PSD3: variants seen among roughly 807,000 people sequenced by gnomAD.
PSD3 encodes the protein PH and SEC7 domain-containing protein 3.
PSD3 carries 49 observed loss-of-function variants against 105.5 expected under a neutral mutation model. The observed-to-expected ratio is 0.46, with a 90% CI of 0.37 to 0.59. The LOEUF is 0.59. Among genes scored for constraint, PSD3 ranks in the 20% least tolerant of loss-of-function variants. The pLI is 0.00. For missense variants in PSD3, 1,561 were observed against 1,263.8 expected (o/e 1.24, Z -3.57); for synonymous variants, 557 against 457.8 (o/e 1.22, Z -2.77).
rs1477474174 is a variant in PSD3 at position 18,641,733 on chromosome 8, C to A, written c.2217-8927G>T. 3.3e-5 allele frequency among the ~76,000 whole-genome samples: 5 copies of A among 152,188 alleles called. No individual in the cohort carries two copies. In the South Asian group the frequency reaches 8.3e-4, roughly 25 times the overall value. On this transcript the variant is annotated intron_variant, in intron 10 of 15. Coordinates refer to ENST00000327040, the MANE Select transcript of PSD3 (RefSeq NM_015310.4). ...TAAAGGTGGTGGTTGAATGCAGGGG[C>A]AGAACACTAAGGTGGCTCACATCTC...
intron 9 of PSD3, among the ~76,000 whole-genome samples, chr8:18,696,546 T>C (rs912589803): frequency 3.3e-5 from 5 of 152,290 alleles, no homozygotes; most frequent in Admixed American, 2.6e-4. Flanking sequence ...GAGGAGCAAA[T>C]AAAAGTGCAT....
intron 8 of PSD3, among the ~76,000 whole-genome samples, chr8:18,773,267 G>C (rs527792252): frequency 2.6e-5 from 4 of 152,194 alleles, no homozygotes; most frequent in African/African-American, 9.6e-5. Flanking sequence ...TTTTTAAAAA[G>C]TCTGACATTT....
intron 1 of PSD3, among the ~76,000 whole-genome samples, chr8:18,965,699 G>C (rs1824195730): frequency 6.6e-6 from 1 of 152,238 alleles, no homozygotes; most frequent in Non-Finnish European, 1.5e-5. Flanking sequence ...AAGCTTGCAA[G>C]ATTCTGGAGA....
chr8:18,839,983 T>C (rs544529349), intron 4 of PSD3, among the ~76,000 whole-genome samples: 4 of 152,278 alleles, frequency 2.6e-5, no homozygotes, highest in South Asian at 4.2e-4. Flanking sequence ...CCACAAACTG[T>C]TGAATTCTAC....
intron 1 of PSD3, among the ~76,000 whole-genome samples, chr8:18,969,683 A>G (rs1824511700): frequency 6.6e-6 from 1 of 152,242 alleles, no homozygotes; most frequent in Non-Finnish European, 1.5e-5. Context: ...TTTCATAACT[A>G]TTAGCCTTGG....
intron 1 of PSD3, chr8:19,001,752 G>A (rs1397017381): frequency 6.5e-6 from 1 of 153,300 alleles, no homozygotes; most frequent in Non-Finnish European, 1.5e-5. Context: ...GCTCAGAGAA[G>A]GAAGGTATTC....
intron 2 of PSD3, among the ~76,000 whole-genome samples, chr8:18,903,410 GT>G (rs956253148): frequency 6.6e-6 from 1 of 152,066 alleles, no homozygotes; most frequent in African/African-American, 2.4e-5. Flanking sequence ...AAGAATAGCT[GT>G]TTTTTGCAGC....
At position 18,532,069 on chromosome 8, in the gene PSD3, G is replaced by C. The variant is rs1258959563; in HGVS notation, c.*3674C>G. On this transcript the variant is annotated 3_prime_UTR_variant, in exon 16 of 16. Coordinates refer to ENST00000327040, the MANE Select transcript of PSD3 (RefSeq NM_015310.4). ...AAAAGGTTTTGTTAGTAAGACAATGGAGAAACTTCTTTAACGTCAATTTTC... is the reference window on the plus strand; with the variant it reads ...AAAAGGTTTTGTTAGTAAGACAATGCAGAAACTTCTTTAACGTCAATTTTC... 1 of 152,180 alleles carries C rather than the reference G, an allele frequency of 6.6e-6. No homozygotes were observed. The highest frequency in any genetic ancestry group is 2.4e-5 in the African/African-American group (1 of 41,432). 9.4% of individuals were successfully genotyped at this position (152,180 alleles called of 1,614,324 possible).
At chr8:18,835,619 C>CCTCA (rs1814042067) in intron 4 of PSD3, among the ~76,000 whole-genome samples, 1 of 152,108 alleles carries the variant, frequency 6.6e-6, no homozygotes, top group Non-Finnish European at 1.5e-5. Flanking sequence ...GAATATGAAA[C>CCTCA]CGTGAGAGGA....
At chr8:18,536,044 G>T in intron 15 of PSD3, 86 bp from the exon 16 acceptor site, 1 of 1,273,284 alleles carries the variant, frequency 7.9e-7, no homozygotes, top group Non-Finnish European at 1.1e-6. Flanking sequence ...CCCACCTGGA[G>T]AGTGTGAATG....
At chr8:18,985,722 A>G (rs1471205680) in intron 1 of PSD3, among the ~76,000 whole-genome samples, 1 of 152,204 alleles carries the variant, frequency 6.6e-6, no homozygotes, top group Non-Finnish European at 1.5e-5. Flanking sequence ...AATGAAGTCA[A>G]TGGCACTTAT....
intron 9 of PSD3, among the ~76,000 whole-genome samples, chr8:18,744,373 C>T (rs1447516390): frequency 6.6e-6 from 1 of 152,166 alleles, no homozygotes; most frequent in Non-Finnish European, 1.5e-5. Context: ...AGAAGCTATA[C>T]TCTTAACCCC....
chr8:18,719,828 C>T (rs964320088), intron 9 of PSD3, among the ~76,000 whole-genome samples: 5 of 152,096 alleles, frequency 3.3e-5, no homozygotes, highest in African/African-American at 1.2e-4. Context: ...TAGCATATAT[C>T]TAGATAGCAA....
chr8:18,786,155 G>A (rs1431022711), intron 8 of PSD3, among the ~76,000 whole-genome samples: 1 of 152,144 alleles, frequency 6.6e-6, no homozygotes, highest in Non-Finnish European at 1.5e-5. Flanking sequence ...AGTGAGTCGA[G>A]ATTGCGCCAC....
chr8:18,717,702 C>A (rs912223680), intron 9 of PSD3, among the ~76,000 whole-genome samples: 1 of 152,202 alleles, frequency 6.6e-6, no homozygotes, highest in Admixed American at 6.5e-5. Flanking sequence ...GAGTCAACTC[C>A]TGACTTTTTG....
intron 14 of PSD3, among the ~76,000 whole-genome samples, chr8:18,566,233 G>A (rs1801738535): frequency 6.6e-6 from 1 of 152,098 alleles, no homozygotes; most frequent in South Asian, 2.1e-4. Context: ...GCTTTGGATA[G>A]AAAAATCCTT....
chr8:18,993,281 T>C (rs769480224), intron 1 of PSD3, among the ~76,000 whole-genome samples: 1 of 152,174 alleles, frequency 6.6e-6, no homozygotes. Flanking sequence ...AGGTTAAAGA[T>C]CACAGTTCTA....
At chr8:18,790,535 C>G (rs1441079065) in intron 8 of PSD3, among the ~76,000 whole-genome samples, 6 of 152,036 alleles carry the variant, frequency 3.9e-5, no homozygotes, top group African/African-American at 1.4e-4. Context: ...ATCTCCTGAC[C>G]TCGTGATCTG....
upstream of PSD3, chr8:19,014,393 C>G (rs1190122924): frequency 1.3e-5 from 2 of 152,312 alleles, no homozygotes; most frequent in African/African-American, 4.8e-5. The surrounding 1 kb of genome is among the most constrained non-coding windows in gnomAD (Gnocchi z 4.9). Context: ...ACCGACAGTG[C>G]GTGCGCGGGG....
Sources: allele counts gnomAD v4.1 joint callset (sites outside exome capture counted in the v4.1 genomes callset), GRCh38; gene constraint gnomAD v4.1.1; non-coding constraint Gnocchi (gnomAD v3.1); transcripts MANE v1.5; gene names NCBI Gene and HGNC (gene_info 2026-07-23, HGNC 2026-07-21).